Variants in TTC6 observed in about 807,000 individuals in gnomAD.
TTC6 encodes tetratricopeptide repeat protein 6.
A neutral mutation model predicts 210.4 loss-of-function variants in TTC6; 172 were observed. That is an observed-to-expected ratio of 0.82 (90% CI 0.72 to 0.93). TTC6 has a LOEUF of 0.93. TTC6 is among the 40% of genes least tolerant of loss of function. TTC6 has a pLI of 0.00. For missense variants in TTC6, 2,414 were observed against 2,318.1 expected, an observed-to-expected ratio of 1.04 and a Z score of -0.85; for synonymous variants, 804 against 819.6, an observed-to-expected ratio of 0.98 and a Z score of 0.32.
chr14:37,737,581 A>G (rs1043671667), intron 8 of TTC6, 79 bp from the exon 11 acceptor site: 3 of 748,560 alleles, frequency 4.0e-6, no homozygotes, highest in East Asian at 5.9e-5. Context: ...CTAAACAGTT[A>G]TTAGCCAAGT....
chr14:37,832,199 T>C (rs1430867261), intron 29 of TTC6, among the ~76,000 whole-genome samples: 1 of 151,984 alleles, frequency 6.6e-6, no homozygotes, highest in Non-Finnish European at 1.5e-5. Context: ...GTCTTTTCTC[T>C]CATTTTTTAG....
intron 1 of TTC6, among the ~76,000 whole-genome samples, chr14:37,626,928 G>A (rs766258254): frequency 3.9e-5 from 6 of 152,060 alleles, no homozygotes; most frequent in South Asian, 4.1e-4. Flanking sequence ...ATATAATTTC[G>A]GTATTTGTTC....
At chr14:37,725,340 A>AT (rs2095870431) in intron 7 of TTC6, among the ~76,000 whole-genome samples, 1 of 103,072 alleles carries the variant, frequency 9.7e-6, no homozygotes, top group African/African-American at 3.4e-5. Context: ...ATATATATAT[A>AT]TATATATATA....
chr14:37,664,571 T>A (rs2095744048), intron 1 of TTC6, among the ~76,000 whole-genome samples: 1 of 150,166 alleles, frequency 6.7e-6, no homozygotes. Flanking sequence ...CTAGGCAGTA[T>A]CATCAGGATA....
intron 14 of TTC6, among the ~76,000 whole-genome samples, chr14:37,768,957 T>G (rs2096008225): frequency 6.6e-6 from 1 of 151,932 alleles, no homozygotes; most frequent in South Asian, 2.1e-4. Flanking sequence ...ATAGCTCTTA[T>G]TATTTTGAAA....
intron 2 of TTC6, among the ~76,000 whole-genome samples, chr14:37,609,555 C>G (rs904406532): frequency 5.9e-5 from 9 of 152,124 alleles, no homozygotes; most frequent in Non-Finnish European, 1.0e-4. Context: ...ATAATACTGC[C>G]TAGTTCATGG....
chr14:37,682,374 T>C (rs1445111906), intron 2 of TTC6, among the ~76,000 whole-genome samples: 1 of 150,980 alleles, frequency 6.6e-6, no homozygotes, highest in African/African-American at 2.4e-5. Context: ...ACTTGTGATA[T>C]GGAAAAAAAA....
At chr14:37,837,443 C>G (rs1209662221) in intron 29 of TTC6, 2 of 447,084 alleles carry the variant, frequency 4.5e-6, no homozygotes, top group Admixed American at 4.8e-5. Context: ...TCAATTCTGT[C>G]CCCCCTCCCC....
intron 1 of TTC6, among the ~76,000 whole-genome samples, chr14:37,652,900 A>G (rs2095715574): frequency 6.6e-6 from 1 of 152,250 alleles, no homozygotes; most frequent in African/African-American, 2.4e-5. Context: ...TGCCACAGGT[A>G]ACATTTCCTT....
At chr14:37,636,120 A>AATATGTGAAG (rs2095680204) in intron 1 of TTC6, among the ~76,000 whole-genome samples, 1 of 152,180 alleles carries the variant, frequency 6.6e-6, no homozygotes, top group South Asian at 2.1e-4. Context: ...AGAGCTACAA[A>AATATGTGAAG]ATATGTGAAG....
chr14:37,596,683 GT>G (rs2095605299), intron 1 of TTC6, among the ~76,000 whole-genome samples: 1 of 152,214 alleles, frequency 6.6e-6, no homozygotes, highest in Non-Finnish European at 1.5e-5. Flanking sequence ...CCATGTGTTT[GT>G]TGTACTGCCT....
At chr14:37,799,268 AC>A (rs781632974) in intron 20 of TTC6, among the ~76,000 whole-genome samples, 2 of 152,148 alleles carry the variant, frequency 1.3e-5, no homozygotes, top group Non-Finnish European at 2.9e-5. Context: ...ATCATGAGAA[AC>A]TACCTTTAGT....
chr14:37,675,698 G>C (rs779824808), intron 1 of TTC6, among the ~76,000 whole-genome samples: 10 of 151,668 alleles, frequency 6.6e-5, no homozygotes, highest in African/African-American at 1.5e-4. Context: ...AGCAGCATAC[G>C]AGGATTCTAG....
chr14:37,823,690 A>G, intron 26 of TTC6, 57 bp from the exon 29 acceptor site: 4 of 1,455,318 alleles, frequency 2.7e-6, no homozygotes, highest in Non-Finnish European at 3.8e-6. Flanking sequence ...AACATTGTAT[A>G]TGTCACCAGA....
chr14:37,806,544 G>C, intron 22 of TTC6, 34 bp downstream of exon 24: 1 of 1,465,322 alleles, frequency 6.8e-7, no homozygotes, highest in Admixed American at 2.3e-5. Flanking sequence ...GAGTTGGAAA[G>C]TGTTAAGTTT....
intron 20 of TTC6, among the ~76,000 whole-genome samples, chr14:37,799,285 A>C (rs1240739520): frequency 6.6e-6 from 1 of 152,202 alleles, no homozygotes; most frequent in Non-Finnish European, 1.5e-5. Flanking sequence ...TTAGTATAAA[A>C]ACTAAAAAAA....
chr14:37,829,579 C>T (rs867065196), intron 29 of TTC6, among the ~76,000 whole-genome samples: 105 of 151,998 alleles, frequency 6.9e-4, no homozygotes, highest in African/African-American at 2.4e-3. Flanking sequence ...CTTAAATATG[C>T]TTGAGCTTAT....
intron 1 of TTC6, among the ~76,000 whole-genome samples, chr14:37,624,210 T>G (rs1044599503): frequency 6.6e-6 from 1 of 152,208 alleles, no homozygotes; most frequent in Non-Finnish European, 1.5e-5. Flanking sequence ...ATGTTCTGAG[T>G]TGAGACTCAC....
intron 25 of TTC6, 60 bp downstream of exon 27, chr14:37,812,493 A>C: frequency 6.9e-7 from 1 of 1,459,006 alleles, no homozygotes; most frequent in African/African-American, 1.4e-5. Flanking sequence ...AGAACTAGTG[A>C]ACAAGATTTT....
Sources: allele counts gnomAD v4.1 joint callset (sites outside exome capture counted in the v4.1 genomes callset), GRCh38; gene constraint gnomAD v4.1.1; transcripts MANE v1.5; gene names NCBI Gene and HGNC (gene_info 2026-07-23, HGNC 2026-07-21).